MYRF: variants seen among roughly 807,000 people sequenced by gnomAD.
The protein encoded by MYRF is myelin regulatory factor, also known as myelin gene regulatory factor.
A neutral mutation model predicts 126.3 loss-of-function variants in MYRF; 16 were observed. The ratio of observed to expected loss-of-function variants is 0.13; its 90% confidence interval spans 0.09 to 0.19. The LOEUF (loss-of-function observed/expected upper bound fraction) is 0.19, where lower values mean the gene tolerates loss of function less well. MYRF is among the 10% of genes least tolerant of loss of function. The pLI is 1.00. For missense variants in MYRF, 1,104 were observed against 1,547.0 expected, an observed-to-expected ratio of 0.71 and a Z score of 4.80; for synonymous variants, 608 against 635.3, an observed-to-expected ratio of 0.96 and a Z score of 0.65.
chr11:61,762,315 G>A (rs2065921061), intron 1 of MYRF, among the ~76,000 whole-genome samples: 1 of 152,224 alleles, frequency 6.6e-6, no homozygotes, highest in Non-Finnish European at 1.5e-5. Flanking sequence ...GTGGGAAGTT[G>A]TTGAAGGGTT....
chr11:61,763,244 A>G (rs6591658), intron 1 of MYRF, among the ~76,000 whole-genome samples: 148,578 of 152,306 alleles, frequency 0.98, 72,587 homozygotes, highest in South Asian at 1. Context: ...CCTCCTTGCC[A>G]TGTTGCCTTG....
chr11:61,776,197 T>C lies in MYRF; in HGVS notation c.1388+65T>C. On this transcript the variant is annotated intron_variant, in intron 9 of 26. Coordinates refer to ENST00000278836, the MANE Select transcript of MYRF (RefSeq NM_001127392.3). The surrounding 1 kb of genome is among the most constrained non-coding windows in gnomAD (Gnocchi z 4.3). ...TCCACAACTAAAGCTGGCTTGGGAA[T>C]GGAGGGGCCAGGGAGGTACCCAGGG... is the stretch of plus-strand genomic sequence containing the variant. 1 of 1,598,786 alleles carries C rather than the reference T, an allele frequency of 6.3e-7. No individual in the cohort carries two copies. Among genetic ancestry groups the C allele is most frequent in the East Asian group, 2.2e-5 (1 of 44,778 alleles).
chr11:61,783,794 T>TG lies in MYRF; in HGVS notation c.3120-52dup, dbSNP rs2066617671. 1 of 1,518,676 alleles carries TG rather than the reference T, an allele frequency of 6.6e-7. No individual in the cohort carries two copies. Among genetic ancestry groups the TG allele is most frequent in the Non-Finnish European group, 9.0e-7 (1 of 1,116,678 alleles). 94.1% of individuals were successfully genotyped at this position (1,518,676 alleles called of 1,614,324 possible). Reference sequence around the variant, plus strand: ...AGATTGGGGGCTGAGGAGTCCCTGGTGGGGGTGGGGGGTGGCAGGGTACCC... The same window carrying TG: ...AGATTGGGGGCTGAGGAGTCCCTGGTGGGGGGTGGGGGGTGGCAGGGTACCC... On this transcript the variant is annotated intron_variant, in intron 23 of 26. Transcript: ENST00000278836. The surrounding 1 kb of genome is among the most constrained non-coding windows in gnomAD (Gnocchi z 4.6).
At chr11:61,759,974 AT>A (rs979011044) in intron 1 of MYRF, among the ~76,000 whole-genome samples, 149 of 145,848 alleles carry the variant, frequency 1.0e-3, no homozygotes, top group Non-Finnish European at 1.0e-3. Flanking sequence ...GCAGTTATAG[AT>A]TTTTTTTTTT....
rs1354001389 is a variant in MYRF, at chr11:61,778,514, G to T, written c.2013+25G>T. 1 of 1,540,816 alleles carries T rather than the reference G, an allele frequency of 6.5e-7. No homozygotes were observed. The highest frequency in any genetic ancestry group is 9.0e-7 in the Non-Finnish European group (1 of 1,113,348). On this transcript the variant is annotated intron_variant, in intron 14 of 26. Coordinates refer to ENST00000278836, the MANE Select transcript of MYRF (RefSeq NM_001127392.3). The surrounding 1 kb of genome is among the most constrained non-coding windows in gnomAD (Gnocchi z 4.6). ...GGTCTGTGGGTGGGGGAATGGGAGG[G>T]AGCCCAGAGGCAAGTGGGGAGCCAG...
At position 61,781,641 on chromosome 11, in the gene MYRF, G is replaced by A. The variant is rs1323222320; in HGVS notation, c.2833G>A (p.Gly945Ser). 1 of 1,613,752 alleles carries A rather than the reference G, an allele frequency of 6.2e-7. No homozygotes were observed. Among genetic ancestry groups the A allele is most frequent in the Non-Finnish European group, 8.5e-7 (1 of 1,180,042 alleles). Reference sequence around the variant, plus strand: ...CAAGTCCTGGGGTCTTTCAGTCAATGGCATTGGCCACTCCAAGCATCACAA... The same window carrying A: ...CAAGTCCTGGGGTCTTTCAGTCAATAGCATTGGCCACTCCAAGCATCACAA... ...RAKSWGLSVN[G>S]IGHSKHHKSL... is the part of the protein sequence containing the mutation. The change falls in exon 22 of 27, where the codon GGC (glycine) becomes AGC (serine). Residue 945 changes from glycine to serine, a missense_variant. Gly to Ser is a moderately conservative substitution (Grantham distance 56). Around this residue, in one of 10 missense-constraint regions of MYRF, gnomAD observed 323 missense variants for 383.1 expected, o/e 0.84. Transcript: ENST00000278836.
chr11:61,786,126 T>C lies in MYRF; in HGVS notation c.3439T>C (p.Tyr1147His), dbSNP rs2066688103. The change falls in exon 27 of 27, where the codon TAC becomes CAC. Residue 1147 changes from tyrosine (Y) to histidine (H), a missense_variant. Transcript: ENST00000278836. The surrounding 1 kb of genome is among the most constrained non-coding windows in gnomAD (Gnocchi z 4.5). ...AGCCACAGACTACCACTTCCACTTC[T>C]ACCGCCTGTGTGACTGAGCTGCCCT... ...QPATDYHFHF[Y>H]RLCD 1 of 1,614,182 alleles carries C rather than the reference T, an allele frequency of 6.2e-7. No homozygotes were observed. Among genetic ancestry groups the C allele is most frequent in the Non-Finnish European group, 8.5e-7 (1 of 1,180,012 alleles).
rs563888682 is a variant in MYRF, at chr11:61,764,886, C to T, written c.47-739C>T. On this transcript the variant is annotated intron_variant, in intron 1 of 26. Transcript: ENST00000278836. The stretch of plus-strand genomic sequence containing the variant: ...CGGCCATCATTCCCTGCTGGGAGGC[C>T]GGGGCAAGCCCTTCCTTCTCTAGGC... Among the ~76,000 whole-genome samples, 251 of 152,332 alleles carry T rather than the reference C, an allele frequency of 1.6e-3. 2 individuals are homozygous for T. The Middle Eastern group carries it at 0.02, about 12-fold the overall frequency.
At chr11:61,779,074 G>A in intron 14 of MYRF, 189 bp from the exon 15 acceptor site, 1 of 658,102 alleles carries the variant, frequency 1.5e-6, no homozygotes, top group Middle Eastern at 4.0e-4. Flanking sequence ...CTCGGAGACA[G>A]GCACAGGAGC....
At chr11:61,784,121 G>A (rs1287460712) in intron 24 of MYRF, 159 bp from the exon 25 acceptor site, 8 of 950,326 alleles carry the variant, frequency 8.4e-6, no homozygotes, top group Non-Finnish European at 1.6e-6. Flanking sequence ...AGGACCACAT[G>A]GGATGGTCGA....
rs2066617151 is a variant in MYRF at position 61,783,777 on chromosome 11, G to A, written c.3120-74G>A. On this transcript the variant is annotated intron_variant, in intron 23 of 26. Transcript: ENST00000278836. The surrounding 1 kb of genome is among the most constrained non-coding windows in gnomAD (Gnocchi z 4.6). ...CTGGAGGGCTCCAGTACAGATTGGGGGCTGAGGAGTCCCTGGTGGGGGTGG... is the reference window on the plus strand; with the variant it reads ...CTGGAGGGCTCCAGTACAGATTGGGAGCTGAGGAGTCCCTGGTGGGGGTGG... The A allele has an allele frequency of 1.4e-6, 2 of 1,478,766 alleles. No homozygotes were observed. Among genetic ancestry groups the A allele is most frequent in the Admixed American group, 2.0e-5 (1 of 51,142 alleles). The allele number at this position is 1,478,766 out of a possible 1,614,324, so 91.6% of individuals were successfully genotyped here.
chr11:61,783,753 T>C lies in MYRF; in HGVS notation c.3120-98T>C. Reference sequence around the variant, plus strand: ...GGCTACCCTTGGACACTGTCTCTTCTGGAGGGCTCCAGTACAGATTGGGGG... The same window carrying C: ...GGCTACCCTTGGACACTGTCTCTTCCGGAGGGCTCCAGTACAGATTGGGGG... On this transcript the variant is annotated intron_variant, in intron 23 of 26. Coordinates refer to ENST00000278836, the MANE Select transcript of MYRF (RefSeq NM_001127392.3). The surrounding 1 kb of genome is among the most constrained non-coding windows in gnomAD (Gnocchi z 4.6). 1 of 1,394,552 alleles carries C rather than the reference T, an allele frequency of 7.2e-7. No homozygotes were observed. Among genetic ancestry groups the C allele is most frequent in the Non-Finnish European group, 9.9e-7 (1 of 1,006,908 alleles). 86.4% of individuals were successfully genotyped at this position (1,394,552 alleles called of 1,614,324 possible).
In MYRF at chr11:61,778,271, G is replaced by T. The variant is rs2066440384; in HGVS notation, c.1904-109G>T. 8 of 774,744 alleles carry T rather than the reference G, an allele frequency of 1.0e-5. No individual in the cohort carries two copies. The highest frequency in any genetic ancestry group is 1.6e-5 in the Non-Finnish European group (7 of 438,302). The allele number at this position is 774,744 out of a possible 1,614,324, so 48.0% of individuals were successfully genotyped here. On this transcript the variant is annotated intron_variant, in intron 13 of 26. Coordinates refer to ENST00000278836, the MANE Select transcript of MYRF (RefSeq NM_001127392.3). The surrounding 1 kb of genome is among the most constrained non-coding windows in gnomAD (Gnocchi z 4.6). Reference sequence around the variant, plus strand: ...AGGGCTCCTTGGAATCCAAATCTCTGGGTTCCAGAACTTCACCCTCTCCAG... The same window carrying T: ...AGGGCTCCTTGGAATCCAAATCTCTTGGTTCCAGAACTTCACCCTCTCCAG...
At position 61,757,137 on chromosome 11, in the gene MYRF, A is replaced by C. The variant is rs1300241931; in HGVS notation, c.46+4347A>C. ...ACCTTCCTGGGCCTCAGTTTCTCTC[A>C]TTGCCTTGGGTGCTGGAGTATGTGG... is the stretch of plus-strand genomic sequence containing the variant. On this transcript the variant is annotated intron_variant, in intron 1 of 26. Transcript: ENST00000278836. The surrounding 1 kb of genome is among the most constrained non-coding windows in gnomAD (Gnocchi z 4.7). 1 of 455,900 alleles carries C rather than the reference A, an allele frequency of 2.2e-6. No homozygotes were observed. The highest frequency in any genetic ancestry group is 2.0e-5 in the African/African-American group (1 of 49,952). The allele number at this position is 455,900 out of a possible 1,614,324, so 28.2% of individuals were successfully genotyped here.
intron 2 of MYRF, 118 bp downstream of exon 2, chr11:61,765,830 C>T (rs1306464084): frequency 1.3e-5 from 18 of 1,418,068 alleles, no homozygotes; most frequent in Non-Finnish European, 1.7e-5. Flanking sequence ...CCTCTGAAAG[C>T]TGCTCCTCGT....
intron 1 of MYRF, among the ~76,000 whole-genome samples, chr11:61,761,979 G>C (rs2065914190): frequency 6.6e-6 from 1 of 152,224 alleles, no homozygotes; most frequent in Admixed American, 6.5e-5. Context: ...TAGGCGGGAA[G>C]GTAAAGAACT....
intron 17 of MYRF, 122 bp downstream of exon 17, chr11:61,780,052 C>T: frequency 8.2e-7 from 1 of 1,220,884 alleles, no homozygotes; most frequent in Non-Finnish European, 1.2e-6. Context: ...GATCAGGCAG[C>T]TGAGGTCTCG....
At position 61,776,971 on chromosome 11, in the gene MYRF, G is replaced by A; in HGVS notation, c.1590+94G>A. 9.0e-7 allele frequency: 1 copy of A among 1,112,618 alleles called. No individual in the cohort carries two copies. Among genetic ancestry groups the A allele is most frequent in the Non-Finnish European group, 1.3e-6 (1 of 784,302 alleles). The allele number at this position is 1,112,618 out of a possible 1,614,324, so 68.9% of individuals were successfully genotyped here. ...ACCCGGGTACTGAGAGTCAGGAGTG[G>A]GCATGCTCATCCTGCTAGGCACTGG... On this transcript the variant is annotated intron_variant, in intron 11 of 26. Coordinates refer to ENST00000278836, the MANE Select transcript of MYRF (RefSeq NM_001127392.3). The surrounding 1 kb of genome is among the most constrained non-coding windows in gnomAD (Gnocchi z 4.3).
At chr11:61,760,452 T>G (rs1333411334) in intron 1 of MYRF, among the ~76,000 whole-genome samples, 3 of 152,094 alleles carry the variant, frequency 2.0e-5, no homozygotes, top group Non-Finnish European at 4.4e-5. Context: ...CTGGAAGGGA[T>G]GGCTGGGGCC....
Sources: gnomAD v4.1 joint callset for allele counts (sites outside exome capture counted in the v4.1 genomes callset) on GRCh38, gnomAD v4.1.1 for gene constraint, gnomAD v4.1.1 regional missense constraint, Gnocchi (gnomAD v3.1) non-coding constraint, MANE v1.5 for transcripts, NCBI Gene and HGNC (gene_info 2026-07-23, HGNC 2026-07-21) for gene names.